The following AUTS2 variants were observed in gnomAD, a reference collection of about 807,000 sequenced individuals.
AUTS2 encodes autism susceptibility gene 2 protein.
A neutral mutation model predicts 112.4 loss-of-function variants in AUTS2; 17 were observed. The observed-to-expected ratio is 0.15, with a 90% CI of 0.10 to 0.23. The LOEUF is 0.23. Among genes scored for constraint, AUTS2 ranks in the 10% least tolerant of loss-of-function variants. AUTS2 has a pLI of 1.00. For missense variants in AUTS2, 1,510 were observed against 1,701.6 expected, an observed-to-expected ratio of 0.89 and a Z score of 1.98; for synonymous variants, 751 against 702.7, an observed-to-expected ratio of 1.07 and a Z score of -1.09.
At chr7:69,834,985 G>A (rs757320817) in intron 1 of AUTS2, among the ~76,000 whole-genome samples, 17 of 151,284 alleles carry the variant, frequency 1.1e-4, no homozygotes, top group Non-Finnish European at 1.8e-4. Flanking sequence ...TGCATCTGCC[G>A]CCTGTCTGCT....
intron 4 of AUTS2, among the ~76,000 whole-genome samples, chr7:70,338,923 C>T (rs1457040089): frequency 3.3e-5 from 5 of 151,198 alleles, no homozygotes; most frequent in Admixed American, 2.0e-4. Context: ...AGTGCAGTGG[C>T]GTGATCTCGG....
At chr7:69,851,702 A>T (rs946962773) in intron 1 of AUTS2, among the ~76,000 whole-genome samples, 1 of 152,314 alleles carries the variant, frequency 6.6e-6, no homozygotes, top group South Asian at 2.1e-4. Flanking sequence ...TACAGGTCCT[A>T]TACATCTTTT....
In AUTS2 at chr7:70,029,287, C is replaced by G. The variant is rs1185830854; in HGVS notation, c.523-88845C>G. On this transcript the variant is annotated intron_variant, in intron 2 of 18. Transcript: ENST00000342771. ...TTTTTTTTTTTTTTTTTTTAATATT[C>G]TCCATTAGACGTGATGTTTCTGTCT... Among the ~76,000 whole-genome samples the G allele has an allele frequency of 6.2e-5, 8 of 128,460 alleles. No individual in the cohort carries two copies. In the South Asian group the frequency reaches 2.0e-3, roughly 32 times the overall value. 84.3% of individuals were successfully genotyped at this position (128,460 alleles called of 152,430 possible).
At chr7:70,725,555 C>T (rs1218497877) in intron 6 of AUTS2, among the ~76,000 whole-genome samples, 2 of 152,222 alleles carry the variant, frequency 1.3e-5, no homozygotes, top group African/African-American at 4.8e-5. Context: ...ATTTAACAAA[C>T]TTACATGACA....
chr7:70,630,568 C>T (rs1330938953), intron 5 of AUTS2, among the ~76,000 whole-genome samples: 1 of 152,168 alleles, frequency 6.6e-6, no homozygotes, highest in Non-Finnish European at 1.5e-5. Flanking sequence ...CCTGCTCTTC[C>T]TCTCCTGCCT....
intron 5 of AUTS2, among the ~76,000 whole-genome samples, chr7:70,467,609 A>G (rs1364629605): frequency 1.3e-5 from 2 of 152,216 alleles, no homozygotes; most frequent in Non-Finnish European, 2.9e-5. Context: ...AGTTTCTTGT[A>G]TTATATCACT....
chr7:70,071,010 G>A (rs1802742680), intron 2 of AUTS2, among the ~76,000 whole-genome samples: 1 of 152,040 alleles, frequency 6.6e-6, no homozygotes, highest in Non-Finnish European at 1.5e-5. Context: ...TAATAGTTTG[G>A]GTTACTTAAA....
chr7:70,474,944 C>T (rs555585177), intron 5 of AUTS2, among the ~76,000 whole-genome samples: 8 of 152,282 alleles, frequency 5.3e-5, no homozygotes, highest in African/African-American at 1.7e-4. Flanking sequence ...TCCATCTCCA[C>T]GGAAACAGAA....
chr7:70,125,086 T>G (rs1805893626), intron 3 of AUTS2, among the ~76,000 whole-genome samples: 1 of 152,196 alleles, frequency 6.6e-6, no homozygotes, highest in Non-Finnish European at 1.5e-5. Context: ...CTATTGGTTG[T>G]TTTTTCTCCT....
intron 1 of AUTS2, among the ~76,000 whole-genome samples, chr7:69,851,697 G>A (rs1487818056): frequency 6.6e-6 from 1 of 152,014 alleles, no homozygotes; most frequent in African/African-American, 2.4e-5. Flanking sequence ...TAGCATACAG[G>A]TCCTATACAT....
intron 4 of AUTS2, among the ~76,000 whole-genome samples, chr7:70,144,153 T>C (rs1028324070): frequency 1.3e-5 from 2 of 152,064 alleles, no homozygotes; most frequent in African/African-American, 4.8e-5. Flanking sequence ...AACATTTGCC[T>C]CTTACCATTT....
At chr7:70,750,871 A>G (rs1436735191) in intron 6 of AUTS2, among the ~76,000 whole-genome samples, 1 of 152,204 alleles carries the variant, frequency 6.6e-6, no homozygotes, top group African/African-American at 2.4e-5. Context: ...CTTTGCTGCT[A>G]GTGGCTTTAC....
chr7:69,643,662 A>G (rs1219295070), intron 1 of AUTS2, among the ~76,000 whole-genome samples: 1 of 152,018 alleles, frequency 6.6e-6, no homozygotes, highest in Non-Finnish European at 1.5e-5. Flanking sequence ...CCAGCACAGA[A>G]CTGCCAGTGT....
In AUTS2 at chr7:69,790,922, C is replaced by T. The variant is rs187917354; in HGVS notation, c.310-108364C>T. On this transcript the variant is annotated intron_variant, in intron 1 of 18. Coordinates refer to ENST00000342771, the MANE Select transcript of AUTS2 (RefSeq NM_015570.4). ...CAAGGAGACCCAACTGGGTTCTATC[C>T]GCACTTAACTGAAACTCAAGTTATT... Among the ~76,000 whole-genome samples, 27 of 152,320 alleles carry T rather than the reference C, an allele frequency of 1.8e-4. No individual in the cohort carries two copies. In the South Asian group the frequency reaches 3.9e-3, roughly 22 times the overall value.
At chr7:70,313,680 A>C (rs1470219550) in intron 4 of AUTS2, among the ~76,000 whole-genome samples, 1 of 152,218 alleles carries the variant, frequency 6.6e-6, no homozygotes, top group East Asian at 1.9e-4. Flanking sequence ...TGTAGCATCC[A>C]TCAGCCACGG....
chr7:69,731,053 T>C (rs1225198627), intron 1 of AUTS2, among the ~76,000 whole-genome samples: 2 of 152,206 alleles, frequency 1.3e-5, no homozygotes, highest in Non-Finnish European at 2.9e-5. Context: ...CCTGGCACTT[T>C]GGGAGGCCAA....
chr7:69,636,658 A>G (rs560540205), intron 1 of AUTS2, among the ~76,000 whole-genome samples: 2 of 151,496 alleles, frequency 1.3e-5, no homozygotes, highest in Admixed American at 6.6e-5. Flanking sequence ...AACTGTTTTC[A>G]TGTGTTGTTT....
At chr7:70,328,994 C>A (rs1790621055) in intron 4 of AUTS2, among the ~76,000 whole-genome samples, 1 of 152,140 alleles carries the variant, frequency 6.6e-6, no homozygotes. Flanking sequence ...GATCTGTGTT[C>A]TGCCTCTTCA....
At chr7:70,623,318 A>C (rs1419235687) in intron 5 of AUTS2, among the ~76,000 whole-genome samples, 1 of 152,224 alleles carries the variant, frequency 6.6e-6, no homozygotes, top group African/African-American at 2.4e-5. Context: ...GCATCGCTGA[A>C]GGTTTATCTA....
Sources: gnomAD v4.1 joint callset for allele counts (sites outside exome capture counted in the v4.1 genomes callset) on GRCh38, gnomAD v4.1.1 for gene constraint, MANE v1.5 for transcripts, NCBI Gene and HGNC (gene_info 2026-07-23, HGNC 2026-07-21) for gene names.